Variants in CACNA1C observed in about 807,000 individuals in gnomAD.
CACNA1C encodes calcium voltage-gated channel subunit alpha1 C.
Under a neutral mutation model 229.0 loss-of-function variants are expected in CACNA1C, and 30 were observed. That is an observed-to-expected ratio of 0.13 (90% CI 0.10 to 0.18). The LOEUF (loss-of-function observed/expected upper bound fraction) is 0.18, where lower values mean the gene tolerates loss of function less well. Ranked by LOEUF, CACNA1C falls within the 10% of genes least tolerant of loss-of-function variation. The pLI is 1.00. For synonymous variants in CACNA1C, 1,114 were observed against 1,132.5 expected, an observed-to-expected ratio of 0.98 and a Z score of 0.33; for missense variants, 1,658 against 2,845.0, an observed-to-expected ratio of 0.58 and a Z score of 9.49.
At chr12:1,994,185 TA>T (rs1237116651) in intron 1 of CACNA1C, among the ~76,000 whole-genome samples, 1 of 152,228 alleles carries the variant, frequency 6.6e-6, no homozygotes, top group Non-Finnish European at 1.5e-5. Flanking sequence ...GACAGCCATA[TA>T]GTAATTCAAC....
chr12:2,616,645 C>A (rs1413572540), intron 29 of CACNA1C, among the ~76,000 whole-genome samples: 2 of 152,228 alleles, frequency 1.3e-5, no homozygotes, highest in Non-Finnish European at 2.9e-5. Flanking sequence ...CCCAGACACT[C>A]TTTTCCACAG....
At chr12:2,058,168 G>A (rs1338703134) in intron 1 of CACNA1C, among the ~76,000 whole-genome samples, 1 of 151,928 alleles carries the variant, frequency 6.6e-6, no homozygotes, top group Non-Finnish European at 1.5e-5. Flanking sequence ...TGAGGTCTGA[G>A]AAGCCCTTGG....
rs563777887 is a variant in CACNA1C at position 2,696,209 on chromosome 12, C to T, written c.*5010C>T. 1.3e-5 allele frequency: 2 copies of T among 152,292 alleles called. No homozygotes were observed. Among genetic ancestry groups the T allele is most frequent in the South Asian group, 4.1e-4 (2 of 4,822 alleles). The allele number at this position is 152,292 out of a possible 1,614,324, so 9.4% of individuals were successfully genotyped here. A position where few individuals can be genotyped will look rare whatever the true frequency, so the allele number is the denominator to read the frequency against. On this transcript the variant is annotated 3_prime_UTR_variant, in exon 47 of 47. Transcript: ENST00000399655. ...TATTAGAGAACTCTTCCAGTCACCT[C>T]TGAAAGCACTCTAGATCTTGCAGCT...
intron 38 of CACNA1C, among the ~76,000 whole-genome samples, chr12:2,673,337 A>G (rs2096644847): frequency 6.6e-6 from 1 of 152,062 alleles, no homozygotes; most frequent in Non-Finnish European, 1.5e-5. Context: ...ATGGTGGCCC[A>G]TGCCTGTAAT....
rs181680025 is a variant in CACNA1C at position 2,681,480 on chromosome 12, A to C, written c.5445-1070A>C. Among the ~76,000 whole-genome samples the C allele has an allele frequency of 4.8e-3, 738 of 152,304 alleles. 7 individuals carry two copies. The highest frequency in any genetic ancestry group is 0.017 in the African/African-American group (709 of 41,562). On this transcript the variant is annotated intron_variant, in intron 42 of 46. Coordinates refer to ENST00000399655, the MANE Select transcript of CACNA1C (RefSeq NM_000719.7). ...CGTGTCACAGCTCAAGGCTAACGGC[A>C]GCTCTAGTGCCAGCATTGCTTGTGC...
chr12:2,164,910 GA>G (rs2096131655), intron 3 of CACNA1C, among the ~76,000 whole-genome samples: 1 of 152,180 alleles, frequency 6.6e-6, no homozygotes, highest in Non-Finnish European at 1.5e-5. Flanking sequence ...GTGGGGAGGG[GA>G]AAGAAGCAGA....
intron 1 of CACNA1C, among the ~76,000 whole-genome samples, chr12:2,112,048 G>A (rs1239179593): frequency 3.9e-5 from 6 of 152,326 alleles, no homozygotes; most frequent in African/African-American, 4.8e-5. Flanking sequence ...ACATGTGTGC[G>A]TGCATGTGGA....
Position 2,665,827 on chromosome 12 carries a change from G to T in CACNA1C, c.4526+119G>T. 2 of 1,000,264 alleles carry T rather than the reference G, an allele frequency of 2.0e-6. No individual in the cohort carries two copies. 62.0% of individuals were successfully genotyped at this position (1,000,264 alleles called of 1,614,324 possible). On this transcript the variant is annotated intron_variant, in intron 36 of 46. Transcript: ENST00000399655. This position sits in a 1 kb window ranked among gnomAD's most constrained non-coding sequence, Gnocchi z 5.9. ...GTGGATCAATTAGAAACACTGGATT[G>T]TATCACACCCTAGGGTGAAAGGTCA...
intron 3 of CACNA1C, among the ~76,000 whole-genome samples, chr12:2,310,993 T>C (rs1280381876): frequency 6.6e-6 from 1 of 152,164 alleles, no homozygotes; most frequent in Non-Finnish European, 1.5e-5. Context: ...TGGTCATCCG[T>C]GTAGCATCTC....
At position 2,678,747 on chromosome 12, in the gene CACNA1C, G is replaced by A. The variant is rs555274590; in HGVS notation, c.5092-697G>A. ...ACATGGCATGGTGGTGACACAACCC[G>A]ACAAGACACCAGAAACCAAAGCCTC... On this transcript the variant is annotated intron_variant, in intron 41 of 46. Coordinates refer to ENST00000399655, the MANE Select transcript of CACNA1C (RefSeq NM_000719.7). This position sits in a 1 kb window ranked among gnomAD's most constrained non-coding sequence, Gnocchi z 4.1. Among the ~76,000 whole-genome samples, 13 of 152,246 alleles carry A rather than the reference G, an allele frequency of 8.5e-5. No individual in the cohort carries two copies. The highest frequency in any genetic ancestry group is 6.5e-4 in the Admixed American group (10 of 15,288).
chr12:2,358,756 G>A (rs1165969454), intron 3 of CACNA1C, among the ~76,000 whole-genome samples: 5 of 152,114 alleles, frequency 3.3e-5, no homozygotes, highest in Admixed American at 6.5e-5. Context: ...ATCACCTCTT[G>A]GGAAATATTT....
chr12:2,554,002 A>C (rs1004803054), intron 10 of CACNA1C, among the ~76,000 whole-genome samples: 21 of 152,340 alleles, frequency 1.4e-4, no homozygotes, highest in Middle Eastern at 3.4e-3. Flanking sequence ...TGATGACTGC[A>C]GTGCCATCTG....
chr12:2,096,351 G>A (rs769910716), intron 1 of CACNA1C, among the ~76,000 whole-genome samples: 6 of 152,132 alleles, frequency 3.9e-5, no homozygotes, highest in Non-Finnish European at 5.9e-5. Context: ...AGGGCTTGCC[G>A]GAAGCACTTG....
intron 10 of CACNA1C, among the ~76,000 whole-genome samples, chr12:2,551,539 C>T (rs754084334): frequency 5.3e-5 from 8 of 152,184 alleles, no homozygotes; most frequent in Admixed American, 1.3e-4. Flanking sequence ...CTCCCTACCT[C>T]CCACCCCGCC....
chr12:2,567,517 C>T lies in CACNA1C; in HGVS notation c.1670-52C>T, dbSNP rs2370602. 0.85 allele frequency: 963,938 copies of T among 1,137,916 alleles called. 409,581 individuals carry two copies. The highest frequency in any genetic ancestry group is 0.99 in the East Asian group (38,389 of 38,928). The allele number at this position is 1,137,916 out of a possible 1,614,324, so 70.5% of individuals were successfully genotyped here. ...CTGTATTTCCTTTCCCTGCCTCCCT[C>T]TCTGCCTCCTCTGGCCCTGCTCGGA... On this transcript the variant is annotated intron_variant, in intron 12 of 46. Transcript: ENST00000399655.
At position 2,269,501 on chromosome 12, in the gene CACNA1C, CTT is replaced by C. The variant is rs538888081; in HGVS notation, c.477+149073_477+149074del. On this transcript the variant is annotated intron_variant, in intron 3 of 46. Transcript: ENST00000399655. ...TAACATAGATGTACAGTCGTACAGT[CTT>C]TGTGGAGAATTTGAAAAACGAGAAT... is the stretch of plus-strand genomic sequence containing the variant. 8.7e-4 allele frequency among the ~76,000 whole-genome samples: 133 copies of C among 152,246 alleles called. 1 individual carries two copies. The highest frequency in any genetic ancestry group is 3.1e-3 in the African/African-American group (128 of 41,534).
intron 3 of CACNA1C, among the ~76,000 whole-genome samples, chr12:2,170,882 G>C (rs1275145713): frequency 6.6e-6 from 1 of 152,234 alleles, no homozygotes; most frequent in Non-Finnish European, 1.5e-5. Flanking sequence ...GCAGGGGTTG[G>C]TGGGCATGAG....
intron 29 of CACNA1C, among the ~76,000 whole-genome samples, chr12:2,621,389 G>T (rs756446901): frequency 6.6e-6 from 1 of 152,138 alleles, no homozygotes; most frequent in Non-Finnish European, 1.5e-5. Flanking sequence ...AGACCCCGAG[G>T]CAGGGGCAAG....
chr12:2,396,650 T>G (rs1397580971), intron 3 of CACNA1C, among the ~76,000 whole-genome samples: 1 of 152,230 alleles, frequency 6.6e-6, no homozygotes, highest in African/African-American at 2.4e-5. Context: ...TGTCACCACC[T>G]ATTACATTTT....
Sources: gnomAD v4.1 joint callset for allele counts (sites outside exome capture counted in the v4.1 genomes callset) on GRCh38, gnomAD v4.1.1 for gene constraint, Gnocchi (gnomAD v3.1) non-coding constraint, MANE v1.5 for transcripts, NCBI Gene and HGNC (gene_info 2026-07-23, HGNC 2026-07-21) for gene names.